PLEC: variants seen among roughly 807,000 people sequenced by gnomAD.
PLEC encodes the protein plectin, also known as hemidesmosomal protein 1.
PLEC carries 216 observed loss-of-function variants against 392.8 expected under a neutral mutation model. The ratio of observed to expected loss-of-function variants is 0.55; its 90% CI spans 0.49 to 0.62. PLEC has a LOEUF of 0.62. Ranked by LOEUF, PLEC falls within the 20% of genes least tolerant of loss-of-function variation. The pLI, the probability that PLEC is intolerant of heterozygous loss-of-function variation, is 0.00. For missense variants in PLEC, 6,863 were observed against 6,563.4 expected (o/e 1.05, Z -1.58); for synonymous variants, 3,621 against 2,980.6 (o/e 1.21, Z -7.00).
chr8:143,944,840 G>T, intron 1 of PLEC: 2 of 592,218 alleles, frequency 3.4e-6, no homozygotes, highest in Non-Finnish European at 5.2e-6. Context: ...GGGGCCCAGG[G>T]GATATAAATA....
Position 143,922,252 on chromosome 8 carries a change from C to T in PLEC, c.7569G>A (p.Glu2523=), listed in dbSNP as rs369185645. The T allele has an allele frequency of 1.9e-6, 3 of 1,595,398 alleles. No homozygotes were observed. The highest frequency in any genetic ancestry group is 1.3e-5 in the African/African-American group (1 of 74,814). The change falls in exon 32 of 32, where the codon GAG becomes GAA. Residue 2523 remains glutamate (E), a synonymous_variant. Transcript: ENST00000345136. Reference sequence around the variant, plus strand: ...CACGCAGCTGCTGTGCCTTGGCCACCTCGTCCTGGAAGAGCTGCTCCAGCT... The same window carrying T: ...CACGCAGCTGCTGTGCCTTGGCCACTTCGTCCTGGAAGAGCTGCTCCAGCT... ...KAKLEQLFQD[E]VAKAQQLREE... is the part of the protein sequence containing the mutation.
intron 1 of PLEC, among the ~76,000 whole-genome samples, chr8:143,961,635 G>A (rs1554740921): frequency 6.6e-6 from 1 of 152,166 alleles, no homozygotes; most frequent in Non-Finnish European, 1.5e-5. Context: ...CGTGTCCTAG[G>A]AGAAAGGATT....
At chr8:143,926,434 T>C (rs7006770) in intron 30 of PLEC, among the ~76,000 whole-genome samples, 46,012 of 152,060 alleles carry the variant, frequency 0.3, 8,654 homozygotes, top group Non-Finnish European at 0.41. Context: ...GCCCCACAAC[T>C]CAGCACCCCC....
chr8:143,930,062 C>T lies in PLEC; in HGVS notation c.2613G>A (p.Arg871=), dbSNP rs965231986. The change falls in exon 22 of 32, where the codon AGG becomes AGA. Residue 871 remains arginine, a splice_region_variant and synonymous_variant. Transcript: ENST00000345136. The stretch of plus-strand genomic sequence containing the variant: ...CCAGGGCCTGGTGCTGGGCCTCCAG[C>T]CTGGCAGGTCAGGGCTACAGTCAGC... ...PNQEAQEAVT[R]LEAQHQALVT... is the part of the protein sequence containing the mutation. 4 of 1,610,254 alleles carry T rather than the reference C, an allele frequency of 2.5e-6. No homozygotes were observed. In the African/African-American group the frequency reaches 4.0e-5, roughly 16 times the overall value.
At chr8:143,938,958 G>A (rs943376315) in intron 1 of PLEC, among the ~76,000 whole-genome samples, 41 of 152,048 alleles carry the variant, frequency 2.7e-4, no homozygotes, top group African/African-American at 9.4e-4. Flanking sequence ...GGTCCTGGGC[G>A]CACCCTGAGC....
chr8:143,932,083 C>A (rs1013037481), intron 17 of PLEC, 47 bp downstream of exon 17: 4 of 1,563,144 alleles, frequency 2.6e-6, no homozygotes, highest in African/African-American at 2.8e-5. Flanking sequence ...GCCTGGGGAC[C>A]CGGCACGGCC....
intron 1 of PLEC, among the ~76,000 whole-genome samples, chr8:143,947,295 C>T (rs1564203536): frequency 6.6e-6 from 1 of 152,240 alleles, no homozygotes; most frequent in Non-Finnish European, 1.5e-5. Flanking sequence ...CTGCCCTTTG[C>T]TGTGGGAAGC....
At position 143,925,039 on chromosome 8, in the gene PLEC, C is replaced by G; in HGVS notation, c.4890G>C (p.Glu1630Asp). 1 of 1,559,482 alleles carries G rather than the reference C, an allele frequency of 6.4e-7. No individual in the cohort carries two copies. Among genetic ancestry groups the G allele is most frequent in the Non-Finnish European group, 8.6e-7 (1 of 1,160,066 alleles). Residue 1630 changes from glutamate to aspartate, a missense_variant, in exon 31 of 32, where the codon GAG becomes GAC. Physicochemically the swap from Glu to Asp is conservative, Grantham distance 45 (BLOSUM62 2). Coordinates refer to ENST00000345136, the MANE Select transcript of PLEC (RefSeq NM_201384.3). Reference protein sequence around the residue: ...AERAREEAERELERWQLKANE... With the variant: ...AERAREEAERDLERWQLKANE... ...TGGCCTTGAGCTGCCAGCGCTCCAG[C>G]TCCCGCTCTGCCTCCTCGCGCGCCC...
chr8:143,929,932 G>C lies in PLEC; in HGVS notation c.2739+4C>G. 6.2e-7 allele frequency: 1 copy of C among 1,609,236 alleles called. No individual in the cohort carries two copies. The highest frequency in any genetic ancestry group is 8.5e-7 in the Non-Finnish European group (1 of 1,179,370). On this transcript the variant is annotated splice_donor_region_variant and intron_variant, in intron 22 of 31. Coordinates refer to ENST00000345136, the MANE Select transcript of PLEC (RefSeq NM_201384.3). ...GAGAGCCCCCGGCTCGGGGGCAGGC[G>C]TACCGTGGCCAGGGACCAGGAGCGG...
chr8:143,975,084 C>T (rs927457401), upstream of PLEC: 68 of 1,401,438 alleles, frequency 4.9e-5, no homozygotes, highest in Non-Finnish European at 6.5e-5. This position sits in a 1 kb window ranked among gnomAD's most constrained non-coding sequence, Gnocchi z 9.9. Context: ...AGGCCTCCCC[C>T]ACCCAGTCCC....
At chr8:143,950,824 GGGCAGGCGGGCGGGCA>G in exon 1 of PLEC, 1 of 1,491,388 alleles carries the variant, frequency 6.7e-7, no homozygotes, top group Non-Finnish European at 8.9e-7. Flanking sequence ...GGCAGCGGCA[GGGCAGGCGGGCGGGCA>G]GGCAGGCTGG....
chr8:143,947,737 G>A (rs547818201), intron 1 of PLEC, among the ~76,000 whole-genome samples: 14 of 152,292 alleles, frequency 9.2e-5, no homozygotes, highest in Admixed American at 2.6e-4. Flanking sequence ...GCAACAGAGC[G>A]GGACTCCATC....
In PLEC at chr8:143,931,973, G is replaced by A. The variant is rs782027096; in HGVS notation, c.2142C>T (p.Ile714=). 11 of 1,607,740 alleles carry A rather than the reference G, an allele frequency of 6.8e-6. No homozygotes were observed. The highest frequency in any genetic ancestry group is 2.2e-5 in the East Asian group (1 of 44,832). The change falls in exon 18 of 32, where the codon ATC becomes ATT. Residue 714 remains isoleucine, a synonymous_variant. Coordinates refer to ENST00000345136, the MANE Select transcript of PLEC (RefSeq NM_201384.3). ...CAGCGTTCTCCTTCAGGTGTGCCTC[G>A]ATACAGCAGCACAGCTGTAGCATCC... The part of the protein sequence containing the change: ...WSWMLQLCCC[I]EAHLKENAAY...
At position 143,923,513 on chromosome 8, in the gene PLEC, C is replaced by A. The variant is rs372652727; in HGVS notation, c.6416G>T (p.Arg2139Leu). ...CGCCGCCTCTTGCTCGGCCTCCTTG[C>A]GCAGCTTCTCTGCAGCCGCCTGTGC... is the stretch of plus-strand genomic sequence containing the variant. ...AQAQAAAEKL[R>L]KEAEQEAARR... is the part of the protein sequence containing the mutation. The change falls in exon 31 of 32, where the codon CGC becomes CTC. Residue 2139 changes from arginine (R) to leucine (L), a missense_variant. Physicochemically the swap from Arg to Leu is moderately radical, Grantham distance 102 (BLOSUM62 -2). Transcript: ENST00000345136. 1 of 1,596,562 alleles carries A rather than the reference C, an allele frequency of 6.3e-7. No homozygotes were observed. The highest frequency in any genetic ancestry group is 8.5e-7 in the Non-Finnish European group (1 of 1,174,710).
chr8:143,916,030 A>ATATATAT lies in PLEC; in HGVS notation c.*140_*146dup. 1.7e-6 allele frequency: 1 copy of ATATATAT among 578,774 alleles called. No homozygotes were observed. Among genetic ancestry groups the ATATATAT allele is most frequent in the Non-Finnish European group, 3.0e-6 (1 of 337,902 alleles). The allele number at this position is 578,774 out of a possible 1,614,324, so 35.9% of individuals were successfully genotyped here. A position where few individuals can be genotyped will look rare whatever the true frequency, so the allele number is the denominator to read the frequency against. ...AAGATACAGGCTGTCTGGACAGCAG[A>ATATATAT]TATATATTAATATATTAGTCTGGTC... On this transcript the variant is annotated 3_prime_UTR_variant, in exon 32 of 32. Transcript: ENST00000345136.
At chr8:143,943,757 G>A, upstream of PLEC, 1 of 1,607,134 alleles carries the variant, frequency 6.2e-7, no homozygotes, top group African/African-American at 1.3e-5. Flanking sequence ...TCGAGTCCCT[G>A]GCAGCCACCA....
upstream of PLEC, among the ~76,000 whole-genome samples, chr8:143,951,873 C>T (rs1373059612): frequency 6.6e-6 from 1 of 152,104 alleles, no homozygotes; most frequent in African/African-American, 2.4e-5. Context: ...CCACCCCCCC[C>T]TCCCCGCCCC....
rs1195650178 is a variant in PLEC, at chr8:143,969,977, C to T, written c.70+3426G>A. On this transcript the variant is annotated intron_variant, in intron 1 of 31. Coordinates refer to the PLEC transcript ENST00000356346. The surrounding 1 kb of genome is among the most constrained non-coding windows in gnomAD (Gnocchi z 5.1). ...CTGGGTGTGTTGGGTCTCCACAGGGCGTGTGCCCAGCCTGTGGCCTGCACT... is the reference window on the plus strand; with the variant it reads ...CTGGGTGTGTTGGGTCTCCACAGGGTGTGTGCCCAGCCTGTGGCCTGCACT... 2.0e-5 allele frequency among the ~76,000 whole-genome samples: 3 copies of T among 151,914 alleles called. No homozygotes were observed. Among genetic ancestry groups the T allele is most frequent in the Admixed American group, 6.6e-5 (1 of 15,262 alleles).
chr8:143,945,332 A>C, intron 1 of PLEC: 2 of 382,476 alleles, frequency 5.2e-6, no homozygotes, highest in South Asian at 3.8e-5. Context: ...ACGGCAGGAG[A>C]CTGGCCTGGC....
Sources: allele counts gnomAD v4.1 joint callset (sites outside exome capture counted in the v4.1 genomes callset), GRCh38; gene constraint gnomAD v4.1.1; non-coding constraint Gnocchi (gnomAD v3.1); transcripts MANE v1.5; gene names NCBI Gene and HGNC (gene_info 2026-07-23, HGNC 2026-07-21).